Variants in GPR160 observed in about 807,000 individuals in gnomAD.
GPR160 encodes the protein probable G protein-coupled receptor 160.
GPR160 carries 2 observed loss-of-function variants against 2.6 expected under a neutral mutation model. The observed-to-expected ratio is 0.77, with a 90% CI of 0.32 to 2.44. GPR160 has a LOEUF of 2.44. Ranked by LOEUF, GPR160 falls within the 30% of genes most tolerant of loss-of-function variation. GPR160 has a pLI of 0.11. For missense variants in GPR160, 351 were observed against 383.6 expected (o/e 0.91, Z 0.71); for synonymous variants, 130 against 132.2 (o/e 0.98, Z 0.12).
At chr3:170,059,213 A>G (rs1421630640) in intron 2 of GPR160, among the ~76,000 whole-genome samples, 2 of 152,262 alleles carry the variant, frequency 1.3e-5, no homozygotes, top group Non-Finnish European at 2.9e-5. Flanking sequence ...AATATTTTAC[A>G]TATTCAATTA....
intron 2 of GPR160, among the ~76,000 whole-genome samples, chr3:170,064,725 G>T (rs1449673046): frequency 6.6e-6 from 1 of 151,798 alleles, no homozygotes; most frequent in Non-Finnish European, 1.5e-5. Context: ...TCACCATGTT[G>T]GCCAGGCTGG....
At chr3:170,076,881 T>C (rs115470108) in intron 2 of GPR160, among the ~76,000 whole-genome samples, 2,629 of 152,296 alleles carry the variant, frequency 0.017, 76 homozygotes, top group East Asian at 0.094. Context: ...CATTGGGTCC[T>C]TTTCTACATT....
At chr3:170,054,277 C>T (rs1341129582) in intron 2 of GPR160, among the ~76,000 whole-genome samples, 6 of 151,844 alleles carry the variant, frequency 4.0e-5, no homozygotes, top group Non-Finnish European at 4.4e-5. Context: ...GAAAGAAGAC[C>T]ATCCCAGGCA....
At chr3:170,063,066 CTGAA>C (rs950700553) in intron 2 of GPR160, 8 of 164,450 alleles carry the variant, frequency 4.9e-5, no homozygotes, top group Admixed American at 4.4e-4. Context: ...AAGTAGATGA[CTGAA>C]TGAATGAATG....
intron 2 of GPR160, among the ~76,000 whole-genome samples, chr3:170,054,840 G>C (rs1016576125): frequency 1.4e-4 from 21 of 151,372 alleles, no homozygotes; most frequent in Non-Finnish European, 1.3e-4. Context: ...GTCACCCGGG[G>C]TGGAATGCAG....
intron 2 of GPR160, among the ~76,000 whole-genome samples, chr3:170,054,350 C>A (rs1711532265): frequency 6.6e-6 from 1 of 152,164 alleles, no homozygotes; most frequent in South Asian, 2.1e-4. Flanking sequence ...AGAAAACTGT[C>A]TCTTCAAAAT....
intron 2 of GPR160, among the ~76,000 whole-genome samples, chr3:170,040,643 A>G (rs1364459629): frequency 6.6e-6 from 1 of 152,220 alleles, no homozygotes; most frequent in Non-Finnish European, 1.5e-5. Context: ...ATCCCTTCCA[A>G]GTTGTGTTCA....
intron 2 of GPR160, among the ~76,000 whole-genome samples, chr3:170,074,179 A>G (rs1286183494): frequency 6.6e-6 from 1 of 152,078 alleles, no homozygotes; most frequent in African/African-American, 2.4e-5. Context: ...ATGAGCCACC[A>G]CACTGGGCCA....
intron 2 of GPR160, chr3:170,062,260 A>C (rs192216498): frequency 5.2e-5 from 10 of 193,352 alleles, no homozygotes; most frequent in African/African-American, 2.4e-4. Flanking sequence ...AAGATGTCCA[A>C]GTCCCGTGCG....
intron 2 of GPR160, among the ~76,000 whole-genome samples, chr3:170,076,261 AAGT>A (rs1457659480): frequency 6.6e-6 from 1 of 152,152 alleles, no homozygotes; most frequent in Admixed American, 6.5e-5. Context: ...TTTTAAAAAT[AAGT>A]AAAATAAAAA....
intron 2 of GPR160, among the ~76,000 whole-genome samples, chr3:170,074,585 G>A (rs1012055012): frequency 2.0e-5 from 3 of 151,874 alleles, no homozygotes; most frequent in African/African-American, 7.3e-5. Context: ...GGGCTCAAGC[G>A]ATCCTCCCAC....
rs1213887479 is a variant in GPR160 at position 170,084,158 on chromosome 3, A to T, written c.186A>T (p.Leu62=). 2.5e-6 allele frequency: 4 copies of T among 1,592,404 alleles called. No individual in the cohort carries two copies. The highest frequency in any genetic ancestry group is 3.4e-6 in the Non-Finnish European group (4 of 1,169,834). Residue 62 remains leucine, a synonymous_variant, in exon 4 of 4, where the codon CTA becomes CTT. Coordinates refer to ENST00000355897, the MANE Select transcript of GPR160 (RefSeq NM_014373.3). ...QNFMEYFCIS[L]AFVDLLLLVN... is the part of the protein sequence containing the mutation. ...TTATGGAATATTTTTGCATTTCACTAGCATTCGTTGATCTTTTACTTTTGG... is the reference window on the plus strand; with the variant it reads ...TTATGGAATATTTTTGCATTTCACTTGCATTCGTTGATCTTTTACTTTTGG...
intron 2 of GPR160, among the ~76,000 whole-genome samples, chr3:170,045,955 G>A (rs1559981471): frequency 6.6e-6 from 1 of 152,184 alleles, no homozygotes; most frequent in Non-Finnish European, 1.5e-5. Context: ...CTACATCATA[G>A]GGCGGTGAGG....
chr3:170,068,568 T>C (rs888824388), intron 2 of GPR160, among the ~76,000 whole-genome samples: 4 of 152,210 alleles, frequency 2.6e-5, no homozygotes, highest in African/African-American at 9.6e-5. Flanking sequence ...ACTATTTCTC[T>C]TTTTATTTCA....
rs142758491 is a variant in GPR160, at chr3:170,048,074, C to A, written c.-193+9031C>A. Reference sequence around the variant, plus strand: ...GAACTCCTGACCTCAGGTGATCCACCCGCCTTGGCCTCCCAAAGTGCTGGG... The same window carrying A: ...GAACTCCTGACCTCAGGTGATCCACACGCCTTGGCCTCCCAAAGTGCTGGG... On this transcript the variant is annotated intron_variant, in intron 2 of 3. Transcript: ENST00000355897. Among the ~76,000 whole-genome samples the A allele has an allele frequency of 3.8e-4, 58 of 152,282 alleles. No individual in the cohort carries two copies. In the East Asian group the frequency reaches 0.011, roughly 28 times the overall value.
intron 2 of GPR160, among the ~76,000 whole-genome samples, chr3:170,042,877 TCA>T (rs1327036029): frequency 1.5e-5 from 2 of 134,076 alleles, no homozygotes; most frequent in African/African-American, 2.8e-5. Flanking sequence ...CTGGTAGTCT[TCA>T]CACACTTTTT....
intron 2 of GPR160, among the ~76,000 whole-genome samples, chr3:170,054,346 C>T (rs771327484): frequency 6.6e-6 from 1 of 152,200 alleles, no homozygotes. Context: ...ATCCAGAAAA[C>T]TGTCTCTTCA....
intron 2 of GPR160, among the ~76,000 whole-genome samples, chr3:170,048,111 G>A (rs1480994930): frequency 6.6e-6 from 1 of 152,220 alleles, no homozygotes; most frequent in Admixed American, 6.5e-5. Flanking sequence ...TTACAGGCGT[G>A]AGCCACCATG....
intron 2 of GPR160, among the ~76,000 whole-genome samples, chr3:170,059,664 G>A (rs960402200): frequency 4.2e-4 from 64 of 151,682 alleles, no homozygotes; most frequent in African/African-American, 1.4e-3. Flanking sequence ...TGCTATTAGT[G>A]TGGCTTCCTG....
Sources: allele counts gnomAD v4.1 joint callset (sites outside exome capture counted in the v4.1 genomes callset), GRCh38; gene constraint gnomAD v4.1.1; transcripts MANE v1.5; gene names NCBI Gene and HGNC (gene_info 2026-07-23, HGNC 2026-07-21).